Variants in IL1RAPL1 observed in about 807,000 individuals in gnomAD.
IL1RAPL1 encodes interleukin-1 receptor accessory protein-like 1.
A neutral mutation model predicts 48.4 loss-of-function variants in IL1RAPL1; 3 were observed. The ratio of observed to expected loss-of-function variants is 0.06; its 90% CI spans 0.03 to 0.16. The LOEUF is 0.16. Among genes scored for constraint, IL1RAPL1 ranks in the 10% least tolerant of loss-of-function variants. The probability of loss-of-function intolerance (pLI) is 1.00; values close to 1 mark genes in which losing one functional copy is unlikely to be tolerated. For synonymous variants in IL1RAPL1, 185 were observed against 187.7 expected, an observed-to-expected ratio of 0.99 and a Z score of 0.12; for missense variants, 349 against 530.6, an observed-to-expected ratio of 0.66 and a Z score of 3.36.
At chrX:28,804,615 C>T (rs1936708924) in intron 2 of IL1RAPL1, among the ~76,000 whole-genome samples, 1 of 111,233 alleles carries the variant, frequency 9.0e-6, no homozygotes, top group Admixed American at 9.6e-5. Flanking sequence ...GTCTCTGTAA[C>T]CTTTACTTCT....
At chrX:29,563,116 GCT>G (rs889112838) in intron 5 of IL1RAPL1, among the ~76,000 whole-genome samples, 4 of 111,730 alleles carry the variant, frequency 3.6e-5, no homozygotes, top group African/African-American at 1.3e-4. Flanking sequence ...GAAATACATA[GCT>G]CTCTACCTAA....
At chrX:28,819,108 C>T (rs184714512) in intron 2 of IL1RAPL1, among the ~76,000 whole-genome samples, 168 of 110,972 alleles carry the variant, frequency 1.5e-3, no homozygotes, top group African/African-American at 5.4e-3. Context: ...CAAACACCCA[C>T]TCCCCAGGAA....
At chrX:29,205,711 TTTTTA>T (rs199900140) in intron 2 of IL1RAPL1, among the ~76,000 whole-genome samples, 1,061 of 83,612 alleles carry the variant, frequency 0.013, 12 homozygotes, top group African/African-American at 0.035. Context: ...TATTAGTTTC[TTTTTA>T]TTTTATTTTA....
intron 6 of IL1RAPL1, among the ~76,000 whole-genome samples, chrX:29,836,819 C>G (rs1462324428): frequency 9.0e-6 from 1 of 110,811 alleles, no homozygotes; most frequent in African/African-American, 3.3e-5. Flanking sequence ...CTCCCCGTCA[C>G]CAGTGAGAAA....
chrX:29,324,200 T>A (rs1170565935), intron 3 of IL1RAPL1, among the ~76,000 whole-genome samples: 1 of 111,335 alleles, frequency 9.0e-6, no homozygotes, highest in Non-Finnish European at 1.9e-5. Context: ...CATGTAGGAA[T>A]GGAAAGAGGG....
chrX:29,319,364 A>ATTTAATTTTTTTTT (rs1932786109), intron 3 of IL1RAPL1, among the ~76,000 whole-genome samples: 1 of 58,150 alleles, frequency 1.7e-5, no homozygotes, highest in Non-Finnish European at 3.1e-5. Flanking sequence ...GATAAATTTA[A>ATTTAATTTTTTTTT]TTTTTTTTTT....
At chrX:29,435,562 G>A (rs185009801) in intron 5 of IL1RAPL1, among the ~76,000 whole-genome samples, 34 of 110,644 alleles carry the variant, frequency 3.1e-4, no homozygotes, top group Admixed American at 1.6e-3. Flanking sequence ...GTTTTGTGCC[G>A]TTGTTTTTAA....
intron 6 of IL1RAPL1, among the ~76,000 whole-genome samples, chrX:29,873,712 A>C (rs1163772935): frequency 8.9e-6 from 1 of 111,997 alleles, no homozygotes. Flanking sequence ...ATGGACCAAC[A>C]CAAGTGATGA....
chrX:28,992,930 G>A (rs1223255236), intron 2 of IL1RAPL1, among the ~76,000 whole-genome samples: 1 of 111,909 alleles, frequency 8.9e-6, no homozygotes, highest in African/African-American at 3.2e-5. Context: ...CCCTGAGAAT[G>A]GAATGAGGTT....
At chrX:28,890,293 G>C (rs1283897872) in intron 2 of IL1RAPL1, among the ~76,000 whole-genome samples, 4 of 111,668 alleles carry the variant, frequency 3.6e-5, no homozygotes, top group Non-Finnish European at 7.5e-5. Context: ...CTTCAGAGCT[G>C]TGAATTACCC....
At chrX:29,344,175 T>G (rs944452328) in intron 3 of IL1RAPL1, among the ~76,000 whole-genome samples, 1 of 112,584 alleles carries the variant, frequency 8.9e-6, no homozygotes, top group Non-Finnish European at 1.9e-5. Flanking sequence ...GATGTGAGAT[T>G]TCACTTAGTC....
intron 2 of IL1RAPL1, among the ~76,000 whole-genome samples, chrX:28,984,688 T>G (rs1925423798): frequency 1.8e-5 from 2 of 111,225 alleles, no homozygotes; most frequent in Admixed American, 9.6e-5. Context: ...TCTTTATCCA[T>G]TATCCCCACA....
chrX:29,933,250 GTGCAGCAAACCACCA>G (rs1932975551), intron 8 of IL1RAPL1, among the ~76,000 whole-genome samples: 1 of 110,988 alleles, frequency 9.0e-6, no homozygotes, highest in Non-Finnish European at 1.9e-5. Context: ...AGGTTGATGG[GTGCAGCAAACCACCA>G]TGCCACGTGT....
rs1194842133 is a variant in IL1RAPL1 at position 29,915,943 on chromosome X, C to CCTGTGT, written c.779-1519_779-1514dup. ...GTCCCCAGAGTGTGATATTCCCCTT[C>CCTGTGT]CTGTGTCCATGTGATCTCATTGTTC... On this transcript the variant is annotated intron_variant, in intron 6 of 10. Transcript: ENST00000378993. Among the ~76,000 whole-genome samples the CCTGTGT allele has an allele frequency of 4.9e-5, 4 of 81,458 alleles. No homozygotes were observed. In the East Asian group the frequency reaches 1.7e-3, roughly 34 times the overall value. The allele number at this position is 81,458 out of a possible 115,157, so 70.7% of individuals were successfully genotyped here. A position where few individuals can be genotyped will look rare whatever the true frequency, so the allele number is the denominator to read the frequency against.
At chrX:28,737,191 CTCTTTCTTT>C (rs1569161887) in intron 1 of IL1RAPL1, among the ~76,000 whole-genome samples, 7 of 79,466 alleles carry the variant, frequency 8.8e-5, no homozygotes, top group African/African-American at 3.4e-4. Flanking sequence ...TCTTTCCTTT[CTCTTTCTTT>C]CTTTCTCTTT....
At chrX:29,393,172 C>T (rs1489415026) in intron 3 of IL1RAPL1, among the ~76,000 whole-genome samples, 5 of 64,024 alleles carry the variant, frequency 7.8e-5, no homozygotes. Flanking sequence ...GTCGCCCAGG[C>T]TTGCAGTCTC....
chrX:28,649,197 C>T (rs1379884401), intron 1 of IL1RAPL1, among the ~76,000 whole-genome samples: 5 of 111,614 alleles, frequency 4.5e-5, no homozygotes, highest in Admixed American at 2.9e-4. Flanking sequence ...ATAAACTCTG[C>T]GAGAGAGAAA....
chrX:29,541,303 G>T (rs1361060606), intron 5 of IL1RAPL1, among the ~76,000 whole-genome samples: 1 of 111,940 alleles, frequency 8.9e-6, no homozygotes, highest in Non-Finnish European at 1.9e-5. Flanking sequence ...AGGCTGTGGA[G>T]AAAAGGGAAT....
intron 5 of IL1RAPL1, among the ~76,000 whole-genome samples, chrX:29,495,060 ATTC>A (rs1403541432): frequency 1.8e-5 from 2 of 112,064 alleles, no homozygotes; most frequent in Non-Finnish European, 3.8e-5. Flanking sequence ...CATAAACACT[ATTC>A]TTACTCCAAA....
Sources: gnomAD v4.1 joint callset for allele counts (sites outside exome capture counted in the v4.1 genomes callset) on GRCh38, gnomAD v4.1.1 for gene constraint, MANE v1.5 for transcripts, NCBI Gene and HGNC (gene_info 2026-07-23, HGNC 2026-07-21) for gene names.